STK32C: variants seen among roughly 807,000 people sequenced by gnomAD.
STK32C encodes the protein serine/threonine-protein kinase 32C.
Under a neutral mutation model 56.5 loss-of-function variants are expected in STK32C, and 31 were observed. The observed-to-expected ratio is 0.55, with a 90% confidence interval of 0.41 to 0.74. The LOEUF is 0.74. STK32C is among the 30% of genes least tolerant of loss of function. The probability of loss-of-function intolerance (pLI) is 0.00; values close to 1 mark genes in which losing one functional copy is unlikely to be tolerated. For missense variants in STK32C, 544 were observed against 676.9 expected, an observed-to-expected ratio of 0.80 and a Z score of 2.18; for synonymous variants, 309 against 289.4, an observed-to-expected ratio of 1.07 and a Z score of -0.69.
At chr10:132,240,128 G>A (rs2063450487) in intron 2 of STK32C, among the ~76,000 whole-genome samples, 1 of 152,046 alleles carries the variant, frequency 6.6e-6, no homozygotes. Flanking sequence ...TGGGCTACAG[G>A]CAGTGCTGAC....
chr10:132,261,337 T>A (rs1375857144), intron 1 of STK32C, among the ~76,000 whole-genome samples: 1 of 152,064 alleles, frequency 6.6e-6, no homozygotes, highest in Non-Finnish European at 1.5e-5. Flanking sequence ...TATACACCAA[T>A]AACATTCAAG....
chr10:132,225,200 C>T (rs1471534686), intron 7 of STK32C, 33 bp downstream of exon 7: 3 of 1,547,272 alleles, frequency 1.9e-6, no homozygotes, highest in Non-Finnish European at 2.6e-6. Context: ...AGGGGCCTGG[C>T]AGCCAAGCCC....
chr10:132,256,841 C>T (rs543791375), intron 1 of STK32C, among the ~76,000 whole-genome samples: 22 of 152,336 alleles, frequency 1.4e-4, no homozygotes, highest in South Asian at 1.2e-3. Flanking sequence ...TTGGGGACCC[C>T]GGAGCTGCAA....
intron 2 of STK32C, among the ~76,000 whole-genome samples, chr10:132,235,883 CG>C (rs1156557395): frequency 6.8e-6 from 1 of 148,054 alleles, no homozygotes; most frequent in Non-Finnish European, 1.5e-5. Context: ...GCGGTGGCTA[CG>C]AAGAGAGTCC....
At chr10:132,237,807 C>G (rs1359291433) in intron 2 of STK32C, among the ~76,000 whole-genome samples, 1 of 152,372 alleles carries the variant, frequency 6.6e-6, no homozygotes, top group African/African-American at 2.4e-5. Context: ...AGCTTCCCCA[C>G]AGCAGGGAGA....
rs1243691017 is a variant in STK32C, at chr10:132,226,788, C to T, written c.644+7G>A. On this transcript the variant is annotated splice_region_variant and intron_variant, in intron 4 of 11. Transcript: ENST00000298630. ...GCAGGTACCTGCGCCGTCTGCCACGCACACACCTGTGGATGATGTGCTGGC... is the reference window on the plus strand; with the variant it reads ...GCAGGTACCTGCGCCGTCTGCCACGTACACACCTGTGGATGATGTGCTGGC... The T allele has an allele frequency of 2.5e-6, 4 of 1,611,860 alleles. No individual in the cohort carries two copies. The South Asian group carries it at 4.4e-5, about 18-fold the overall frequency.
At chr10:132,294,687 T>TACAGCCA (rs1165198063) in intron 1 of STK32C, among the ~76,000 whole-genome samples, 1 of 152,130 alleles carries the variant, frequency 6.6e-6, no homozygotes, top group African/African-American at 2.4e-5. Flanking sequence ...TCGCACCATC[T>TACAGCCA]ACAGCCAACA....
chr10:132,215,456 T>C (rs1488316943), intron 10 of STK32C, among the ~76,000 whole-genome samples: 3 of 151,572 alleles, frequency 2.0e-5, no homozygotes, highest in Admixed American at 6.6e-5. Flanking sequence ...TGTGCTGTTG[T>C]CATGATAGTG....
intron 10 of STK32C, among the ~76,000 whole-genome samples, chr10:132,221,886 TATC>T (rs2062678193): frequency 1.2e-5 from 1 of 85,380 alleles, no homozygotes; most frequent in African/African-American, 4.0e-5. Flanking sequence ...ACACAACTAA[TATC>T]AACGCACCTG....
chr10:132,277,720 T>C (rs896514963), intron 1 of STK32C, among the ~76,000 whole-genome samples: 18 of 152,194 alleles, frequency 1.2e-4, no homozygotes, highest in Non-Finnish European at 1.3e-4. Context: ...CAAAGCATTG[T>C]GGGGAGCAGG....
chr10:132,227,456 G>C (rs200655242), intron 3 of STK32C, among the ~76,000 whole-genome samples: 6 of 152,120 alleles, frequency 3.9e-5, no homozygotes, highest in South Asian at 2.1e-4. Flanking sequence ...TGAGGATGAC[G>C]GTAGTGAGGA....
chr10:132,327,165 G>T (rs1474994503), intron 1 of STK32C, among the ~76,000 whole-genome samples: 1 of 152,108 alleles, frequency 6.6e-6, no homozygotes, highest in East Asian at 1.9e-4. Flanking sequence ...CATGGGGGCA[G>T]GTCTTTCCCA....
At chr10:132,323,410 C>T (rs927036126), downstream of STK32C, among the ~76,000 whole-genome samples, 1 of 152,250 alleles carries the variant, frequency 6.6e-6, no homozygotes, top group African/African-American at 2.4e-5. This position sits in a 1 kb window ranked among gnomAD's most constrained non-coding sequence, Gnocchi z 4.8. Flanking sequence ...AGCGTTCTCA[C>T]TGGCCTAGGC....
Position 132,307,924 on chromosome 10 carries a change from C to T in STK32C, c.-91G>A, listed in dbSNP as rs931525611. On this transcript the variant is annotated 5_prime_UTR_variant, in exon 1 of 12. Transcript: ENST00000298630. The surrounding 1 kb of genome is among the most constrained non-coding windows in gnomAD (Gnocchi z 4.4). ...GCAGTGGTAGCGGGAGCGCTCGGGG[C>T]CGGCAGCGCCCGCCGTGCGCTCTTC... 8.4e-6 allele frequency: 9 copies of T among 1,076,674 alleles called. No individual in the cohort carries two copies. The highest frequency in any genetic ancestry group is 4.9e-5 in the South Asian group (2 of 40,478). 66.7% of individuals were successfully genotyped at this position (1,076,674 alleles called of 1,614,324 possible). A position where few individuals can be genotyped will look rare whatever the true frequency, so the allele number is the denominator to read the frequency against.
rs530985467 is a variant in STK32C at position 132,218,827 on chromosome 10, G to A, written c.1251+3814C>T. Among the ~76,000 whole-genome samples the A allele has an allele frequency of 2.5e-4, 38 of 152,312 alleles. No homozygotes were observed. The South Asian group carries it at 7.5e-3, about 30-fold the overall frequency. Reference sequence around the variant, plus strand: ...ACAAATACTCATCAACTGATGACTGGATAAAGGAAAGGTGATACATATGTG... The same window carrying A: ...ACAAATACTCATCAACTGATGACTGAATAAAGGAAAGGTGATACATATGTG... On this transcript the variant is annotated intron_variant, in intron 10 of 11. Coordinates refer to ENST00000298630, the MANE Select transcript of STK32C (RefSeq NM_173575.4).
intron 1 of STK32C, among the ~76,000 whole-genome samples, chr10:132,299,819 G>A (rs2065861676): frequency 6.6e-6 from 1 of 152,226 alleles, no homozygotes; most frequent in African/African-American, 2.4e-5. Context: ...GCGGTGCCAG[G>A]ACCCCGAGCC....
chr10:132,208,030 G>GGCAAATGGGGCC lies in STK32C; in HGVS notation c.1429_1440dup (p.Gly477_Cys480dup). On this transcript the variant is annotated inframe_insertion, in exon 12 of 12. Coordinates refer to ENST00000298630, the MANE Select transcript of STK32C (RefSeq NM_173575.4). Reference sequence around the variant, plus strand: ...CCGGCCTAGCCGCTCCCGGCCGAGGGGCAAATGGGGCCGCACATGGGCAGG... The same window carrying GGCAAATGGGGCC: ...CCGGCCTAGCCGCTCCCGGCCGAGGGGCAAATGGGGCCGCAAATGGGGCCGCACATGGGCAGG... 1 of 1,310,436 alleles carries GGCAAATGGGGCC rather than the reference G, an allele frequency of 7.6e-7. No individual in the cohort carries two copies. 81.2% of individuals were successfully genotyped at this position (1,310,436 alleles called of 1,614,324 possible).
intron 1 of STK32C, among the ~76,000 whole-genome samples, chr10:132,267,006 G>A (rs1003983263): frequency 1.3e-5 from 2 of 152,158 alleles, no homozygotes; most frequent in African/African-American, 4.8e-5. Flanking sequence ...GAGCTCGGCC[G>A]TCACTGAGCG....
chr10:132,268,391 T>C (rs1167395121), intron 1 of STK32C, among the ~76,000 whole-genome samples: 2 of 119,476 alleles, frequency 1.7e-5, no homozygotes, highest in African/African-American at 3.3e-5. Context: ...ATGTCCCACA[T>C]CGTGTGTGTG....
Sources: allele counts gnomAD v4.1 joint callset (sites outside exome capture counted in the v4.1 genomes callset), GRCh38; gene constraint gnomAD v4.1.1; non-coding constraint Gnocchi (gnomAD v3.1); transcripts MANE v1.5; gene names NCBI Gene and HGNC (gene_info 2026-07-23, HGNC 2026-07-21).